Variants in CSMD2 observed in about 807,000 individuals in gnomAD.
CSMD2 encodes the protein CUB and Sushi multiple domains 2, also known as CUB and sushi domain-containing protein 2.
Under a neutral mutation model 398.5 loss-of-function variants are expected in CSMD2, and 130 were observed. That is an observed-to-expected ratio of 0.33 (90% CI 0.28 to 0.38). The LOEUF (loss-of-function observed/expected upper bound fraction) is 0.38. CSMD2 is among the 10% of genes least tolerant of loss of function. The probability of loss-of-function intolerance (pLI) is 1.00; values close to 1 mark genes in which losing one functional copy is unlikely to be tolerated. For missense variants in CSMD2, 3,829 were observed against 4,764.9 expected, an observed-to-expected ratio of 0.80 and a Z score of 5.78; for synonymous variants, 1,828 against 1,908.5, an observed-to-expected ratio of 0.96 and a Z score of 1.10.
At chr1:33,723,785 T>C (rs1171562648) in intron 19 of CSMD2, among the ~76,000 whole-genome samples, 3 of 152,182 alleles carry the variant, frequency 2.0e-5, no homozygotes, top group Admixed American at 6.5e-5. Context: ...CCTAATAGAC[T>C]ATTAGAAGAA....
chr1:34,137,569 C>T (rs1394724353), intron 1 of CSMD2, among the ~76,000 whole-genome samples: 2 of 152,166 alleles, frequency 1.3e-5, no homozygotes, highest in Non-Finnish European at 2.9e-5. Context: ...CACCCTTCTG[C>T]CTTTGAACTC....
intron 3 of CSMD2, among the ~76,000 whole-genome samples, chr1:34,027,600 A>T (rs907958989): frequency 6.6e-6 from 1 of 152,272 alleles, no homozygotes; most frequent in East Asian, 1.9e-4. Flanking sequence ...ACAGAAGATG[A>T]CTGGTTAGAT....
At chr1:34,045,002 A>G (rs1479190562) in intron 2 of CSMD2, among the ~76,000 whole-genome samples, 3 of 151,076 alleles carry the variant, frequency 2.0e-5, no homozygotes, top group African/African-American at 7.3e-5. Context: ...AGTAATTTGC[A>G]GGTAATTGAT....
intron 5 of CSMD2, among the ~76,000 whole-genome samples, chr1:33,867,367 C>G (rs938796036): frequency 1.3e-5 from 2 of 152,194 alleles, no homozygotes; most frequent in Non-Finnish European, 2.9e-5. Context: ...GTGAATCCTT[C>G]CCCAGTCAAG....
At chr1:34,109,895 G>T (rs2148438612) in intron 1 of CSMD2, among the ~76,000 whole-genome samples, 1 of 151,846 alleles carries the variant, frequency 6.6e-6, no homozygotes, top group African/African-American at 2.4e-5. Flanking sequence ...CAAAAAATTA[G>T]CCGGGCGTGG....
intron 2 of CSMD2, among the ~76,000 whole-genome samples, chr1:34,070,128 C>T (rs1274281996): frequency 6.6e-6 from 1 of 152,194 alleles, no homozygotes; most frequent in African/African-American, 2.4e-5. Context: ...AGAAGAAGCC[C>T]ACTCCTTTGG....
At chr1:33,810,482 G>C (rs1466593156) in intron 10 of CSMD2, among the ~76,000 whole-genome samples, 2 of 152,070 alleles carry the variant, frequency 1.3e-5, no homozygotes, top group Admixed American at 1.3e-4. Flanking sequence ...TGAGGAACCT[G>C]CATCACTAAG....
At chr1:34,150,007 C>T (rs1166546672) in intron 1 of CSMD2, among the ~76,000 whole-genome samples, 2 of 152,118 alleles carry the variant, frequency 1.3e-5, no homozygotes, top group Admixed American at 6.5e-5. Flanking sequence ...ACGCAGATCC[C>T]TGCACCCTGC....
At chr1:34,016,558 G>A (rs1234170486) in intron 3 of CSMD2, among the ~76,000 whole-genome samples, 1 of 152,110 alleles carries the variant, frequency 6.6e-6, no homozygotes, top group African/African-American at 2.4e-5. Context: ...CAAGGATCTA[G>A]AACCAGAAAC....
In CSMD2 at chr1:34,089,160, T is replaced by C. The variant is rs1372405193; in HGVS notation, c.221A>G (p.Asn74Ser). The C allele has an allele frequency of 5.0e-6, 8 of 1,614,036 alleles. No homozygotes were observed. Among genetic ancestry groups the C allele is most frequent in the East Asian group, 2.2e-5 (1 of 44,894 alleles). ...GAACCCTGGGCTCTCAACTGTCCCA[T>C]TGGGACCGTGCAGTTGGAACGTGCA... is the stretch of plus-strand genomic sequence containing the variant. The part of the protein sequence containing the change: ...QNCTFQLHGP[N>S]GTVESPGFPY... Residue 74 changes from asparagine (N) to serine (S), a missense_variant, in exon 2 of 71, where the codon AAT becomes AGT. Physicochemically the swap from Asn to Ser is conservative, Grantham distance 46. This residue lies in a region of CSMD2 where 184 missense variants were observed against 217.7 expected (regional missense o/e 0.85). Transcript: ENST00000373381.
intron 3 of CSMD2, among the ~76,000 whole-genome samples, chr1:34,012,181 C>G (rs1647437261): frequency 6.6e-6 from 1 of 152,158 alleles, no homozygotes; most frequent in Non-Finnish European, 1.5e-5. Flanking sequence ...ACGAGCCACC[C>G]AGGACTCCTT....
In CSMD2 at chr1:33,846,907, C is replaced by G; in HGVS notation, c.1010G>C (p.Arg337Pro). Reference sequence around the variant, plus strand: ...ACCTTGGTATTGGGCACTGAATCCGCGCTGCCGGTGGTTGCCATCCGATGT... The same window carrying G: ...ACCTTGGTATTGGGCACTGAATCCGGGCTGCCGGTGGTTGCCATCCGATGT... ...HFTSDGNHRQ[R>P]GFSAQYQVKK... The change falls in exon 6 of 71, where the codon CGC becomes CCC. Residue 337 changes from arginine to proline, a missense_variant. Physicochemically the swap from Arg to Pro is moderately radical, Grantham distance 103. Coordinates refer to ENST00000373381, the MANE Select transcript of CSMD2 (RefSeq NM_001281956.2). 1 of 1,608,214 alleles carries G rather than the reference C, an allele frequency of 6.2e-7. No homozygotes were observed. Among genetic ancestry groups the G allele is most frequent in the East Asian group, 2.3e-5 (1 of 44,282 alleles).
intron 1 of CSMD2, among the ~76,000 whole-genome samples, chr1:34,151,058 C>T (rs58023447): frequency 0.028 from 4,292 of 152,294 alleles, 80 homozygotes; most frequent in African/African-American, 0.049. Context: ...GCTGCTCCCT[C>T]GAAGATATTC....
chr1:33,535,747 C>T (rs937733969), intron 62 of CSMD2, among the ~76,000 whole-genome samples: 1 of 152,196 alleles, frequency 6.6e-6, no homozygotes, highest in Non-Finnish European at 1.5e-5. Context: ...TTCCAGGCCC[C>T]CAGGCTGCTA....
Position 34,014,615 on chromosome 1 carries a change from G to A in CSMD2, c.517+17979C>T, listed in dbSNP as rs141393510. The stretch of plus-strand genomic sequence containing the variant: ...GGCAAGCGACCACTGTGCCCTAAGC[G>A]CTCAGCTCTCCAGCAGTTGTCACAG... On this transcript the variant is annotated intron_variant, in intron 3 of 70. Coordinates refer to ENST00000373381, the MANE Select transcript of CSMD2 (RefSeq NM_001281956.2). Among the ~76,000 whole-genome samples, 12 of 152,306 alleles carry A rather than the reference G, an allele frequency of 7.9e-5. No homozygotes were observed. In the East Asian group the frequency reaches 1.7e-3, roughly 22 times the overall value.
chr1:34,048,816 C>T (rs1652844196), intron 2 of CSMD2, among the ~76,000 whole-genome samples: 2 of 152,292 alleles, frequency 1.3e-5, no homozygotes, highest in Non-Finnish European at 2.9e-5. Flanking sequence ...ATAGCCACCA[C>T]CAGAAGGTGT....
intron 43 of CSMD2, 149 bp from the exon 44 acceptor site, chr1:33,601,159 C>CTCTCCCAACCGTTCCCAACTTGG: frequency 9.9e-7 from 1 of 1,005,184 alleles, no homozygotes; most frequent in South Asian, 1.6e-5. Context: ...CCCTAAATAC[C>CTCTCCCAACCGTTCCCAACTTGG]TCTCCCAACC....
chr1:34,093,034 G>C (rs1219639731), intron 1 of CSMD2, among the ~76,000 whole-genome samples: 4 of 152,304 alleles, frequency 2.6e-5, no homozygotes, highest in Non-Finnish European at 4.4e-5. Context: ...GAGAGCAGTG[G>C]TTCTCCCAGT....
At chr1:33,528,008 G>A (rs1308284302) in intron 64 of CSMD2, among the ~76,000 whole-genome samples, 2 of 151,628 alleles carry the variant, frequency 1.3e-5, no homozygotes, top group African/African-American at 4.9e-5. Context: ...CTCGCATGAA[G>A]GAAGAACTTC....
Sources: gnomAD v4.1 joint callset for allele counts (sites outside exome capture counted in the v4.1 genomes callset) on GRCh38, gnomAD v4.1.1 for gene constraint, gnomAD v4.1.1 regional missense constraint, MANE v1.5 for transcripts, NCBI Gene and HGNC (gene_info 2026-07-23, HGNC 2026-07-21) for gene names.